Variants in NEGR1 observed in about 807,000 individuals in gnomAD.
The protein encoded by NEGR1 is IgLON family member 4.
Under a neutral mutation model 40.9 loss-of-function variants are expected in NEGR1, and 10 were observed. The observed-to-expected ratio is 0.24, with a 90% CI of 0.15 to 0.42. The LOEUF (loss-of-function observed/expected upper bound fraction) is 0.42. NEGR1 is among the 10% of genes least tolerant of loss of function. NEGR1 has a pLI of 1.00. For missense variants in NEGR1, 352 were observed against 438.9 expected, an observed-to-expected ratio of 0.80 and a Z score of 1.77; for synonymous variants, 185 against 166.8, an observed-to-expected ratio of 1.11 and a Z score of -0.84.
chr1:72,168,011 T>TA (rs1557559898), intron 1 of NEGR1, among the ~76,000 whole-genome samples: 19 of 117,016 alleles, frequency 1.6e-4, no homozygotes, highest in Non-Finnish European at 2.8e-4. Context: ...TATTATTTTT[T>TA]TTTTTTTTTC....
intron 2 of NEGR1, among the ~76,000 whole-genome samples, chr1:71,905,669 C>A (rs1377975715): frequency 1.3e-5 from 2 of 151,902 alleles, no homozygotes; most frequent in Non-Finnish European, 2.9e-5. Flanking sequence ...AATAATCTTT[C>A]TGACCTAGGA....
At chr1:71,917,808 A>C (rs1661632480) in intron 2 of NEGR1, among the ~76,000 whole-genome samples, 2 of 150,214 alleles carry the variant, frequency 1.3e-5, no homozygotes, top group South Asian at 4.2e-4. Context: ...AGTAAGTCAT[A>C]TATATTTTGG....
chr1:71,782,739 T>C (rs1487161023), intron 2 of NEGR1, among the ~76,000 whole-genome samples: 1 of 152,172 alleles, frequency 6.6e-6, no homozygotes, highest in African/African-American at 2.4e-5. Context: ...TCACATAATA[T>C]AAGTTCTGAG....
chr1:71,430,990 G>A (rs1365827363), intron 6 of NEGR1, among the ~76,000 whole-genome samples: 6 of 151,646 alleles, frequency 4.0e-5, no homozygotes, highest in Non-Finnish European at 5.9e-5. Context: ...CTCGTGATCC[G>A]CCCACCTCGG....
intron 4 of NEGR1, among the ~76,000 whole-genome samples, chr1:71,617,116 A>G (rs1016302619): frequency 6.6e-6 from 1 of 152,242 alleles, no homozygotes; most frequent in African/African-American, 2.4e-5. Flanking sequence ...CCACCACTTC[A>G]TCAAATGTGT....
chr1:72,214,972 A>G (rs1359381392), intron 1 of NEGR1, among the ~76,000 whole-genome samples: 1 of 151,894 alleles, frequency 6.6e-6, no homozygotes, highest in Non-Finnish European at 1.5e-5. Context: ...TCAAACTACA[A>G]TGTTACAGTA....
chr1:71,827,168 C>CT (rs1398478208), intron 2 of NEGR1, among the ~76,000 whole-genome samples: 18 of 150,262 alleles, frequency 1.2e-4, no homozygotes, highest in South Asian at 2.1e-4. Flanking sequence ...AAAAAAGGAG[C>CT]TTTTTTTTCT....
chr1:72,247,825 C>T (rs1330188152), intron 1 of NEGR1, among the ~76,000 whole-genome samples: 7 of 152,082 alleles, frequency 4.6e-5, no homozygotes, highest in Non-Finnish European at 1.0e-4. Flanking sequence ...GAAAGAAATA[C>T]CTGAGACTGA....
intron 4 of NEGR1, among the ~76,000 whole-genome samples, chr1:71,685,281 C>T (rs1652991490): frequency 6.7e-6 from 1 of 149,624 alleles, no homozygotes. Flanking sequence ...TGATATTATT[C>T]ATGTTTCCTG....
At chr1:71,683,616 C>T (rs1652912867) in intron 4 of NEGR1, among the ~76,000 whole-genome samples, 1 of 151,822 alleles carries the variant, frequency 6.6e-6, no homozygotes, top group South Asian at 2.1e-4. Flanking sequence ...AAGATAAATA[C>T]TTAGTTTGAT....
At chr1:71,820,597 G>T (rs766022683) in intron 2 of NEGR1, among the ~76,000 whole-genome samples, 1 of 151,904 alleles carries the variant, frequency 6.6e-6, no homozygotes, top group Non-Finnish European at 1.5e-5. Flanking sequence ...ATTAAGTTGC[G>T]GTTAGGGTCC....
intron 6 of NEGR1, among the ~76,000 whole-genome samples, chr1:71,440,347 C>A (rs575975940): frequency 6.6e-6 from 1 of 152,272 alleles, no homozygotes; most frequent in South Asian, 2.1e-4. Flanking sequence ...TTGCCAACAA[C>A]CATAGCCTGC....
intron 3 of NEGR1, among the ~76,000 whole-genome samples, chr1:71,721,330 A>C (rs1260423992): frequency 1.3e-5 from 2 of 152,128 alleles, no homozygotes; most frequent in Non-Finnish European, 2.9e-5. Flanking sequence ...AGTTATATAG[A>C]ATGTTTTTTA....
chr1:71,629,420 G>T (rs1349101013), intron 4 of NEGR1, among the ~76,000 whole-genome samples: 2 of 151,952 alleles, frequency 1.3e-5, no homozygotes, highest in African/African-American at 4.8e-5. Flanking sequence ...TTGAGCAGTG[G>T]TTTGTTCCCC....
intron 2 of NEGR1, among the ~76,000 whole-genome samples, chr1:71,876,624 GGAAA>G (rs1660440014): frequency 7.2e-6 from 1 of 139,032 alleles, no homozygotes; most frequent in African/African-American, 2.5e-5. Flanking sequence ...AAGGAAGGAA[GGAAA>G]GAAGGAAGGA....
intron 6 of NEGR1, among the ~76,000 whole-genome samples, chr1:71,522,357 T>C (rs1647164493): frequency 6.6e-6 from 1 of 151,932 alleles, no homozygotes; most frequent in South Asian, 2.1e-4. Flanking sequence ...GCTTGGAAAG[T>C]GGACAGTTCC....
At chr1:71,942,158 C>T (rs1645965000) in intron 1 of NEGR1, among the ~76,000 whole-genome samples, 1 of 149,794 alleles carries the variant, frequency 6.7e-6, no homozygotes, top group African/African-American at 2.4e-5. Flanking sequence ...CTATGTATTT[C>T]ACTCTAGCAA....
At chr1:71,453,793 A>G (rs1264340019) in intron 6 of NEGR1, among the ~76,000 whole-genome samples, 1 of 152,200 alleles carries the variant, frequency 6.6e-6, no homozygotes, top group African/African-American at 2.4e-5. Flanking sequence ...GCTAATAAGG[A>G]TCAGCATGAA....
At chr1:71,475,932 A>G (rs1352780471) in intron 6 of NEGR1, among the ~76,000 whole-genome samples, 3 of 152,014 alleles carry the variant, frequency 2.0e-5, no homozygotes, top group Non-Finnish European at 4.4e-5. Flanking sequence ...TGTATAAAGC[A>G]TTTAGCCTTG....
Sources: gnomAD v4.1 joint callset for allele counts (sites outside exome capture counted in the v4.1 genomes callset) on GRCh38, gnomAD v4.1.1 for gene constraint, MANE v1.5 for transcripts, NCBI Gene and HGNC (gene_info 2026-07-23, HGNC 2026-07-21) for gene names.